NEGR1: variants seen among roughly 807,000 people sequenced by gnomAD.
The protein encoded by NEGR1 is neuronal growth regulator 1.
NEGR1 carries 10 observed loss-of-function variants against 40.9 expected under a neutral mutation model. The observed-to-expected ratio is 0.24, with a 90% confidence interval of 0.15 to 0.42. The LOEUF (loss-of-function observed/expected upper bound fraction) is 0.42, where lower values mean the gene tolerates loss of function less well. Ranked by LOEUF, NEGR1 falls within the 10% of genes least tolerant of loss-of-function variation. The pLI, the probability that NEGR1 is intolerant of heterozygous loss-of-function variation, is 1.00. For synonymous variants in NEGR1, 185 were observed against 166.8 expected (o/e 1.11, Z -0.84); for missense variants, 352 against 438.9 (o/e 0.80, Z 1.77).
chr1:72,072,582 T>A (rs574632329), intron 1 of NEGR1, among the ~76,000 whole-genome samples: 33 of 152,226 alleles, frequency 2.2e-4, no homozygotes, highest in South Asian at 4.1e-4. Flanking sequence ...ATAAAAGCAA[T>A]TATATTTCAA....
intron 1 of NEGR1, among the ~76,000 whole-genome samples, chr1:72,162,944 C>T (rs1314037824): frequency 1.3e-5 from 2 of 151,978 alleles, no homozygotes; most frequent in South Asian, 2.1e-4. Context: ...GATACAGTTT[C>T]GTTATAAGGT....
intron 3 of NEGR1, among the ~76,000 whole-genome samples, chr1:71,771,722 AGG>A (rs1656333876): frequency 6.7e-6 from 1 of 148,272 alleles, no homozygotes; most frequent in South Asian, 2.1e-4. Context: ...AAAAAAAAAA[AGG>A]TGTGAATCCA....
intron 2 of NEGR1, among the ~76,000 whole-genome samples, chr1:71,846,336 G>C (rs1659408269): frequency 6.6e-6 from 1 of 151,828 alleles, no homozygotes; most frequent in African/African-American, 2.4e-5. Flanking sequence ...CTACTTGTAT[G>C]ATTTATCTCC....
intron 6 of NEGR1, among the ~76,000 whole-genome samples, chr1:71,472,871 C>T (rs549239514): frequency 8.4e-4 from 128 of 151,568 alleles, no homozygotes; most frequent in African/African-American, 1.8e-3. Flanking sequence ...TTATATAAAA[C>T]GTAAATATAC....
intron 3 of NEGR1, among the ~76,000 whole-genome samples, chr1:71,708,110 C>T (rs1416353451): frequency 3.3e-5 from 5 of 151,852 alleles, no homozygotes; most frequent in Admixed American, 3.3e-4. Context: ...TGAAGAACAT[C>T]TACTAGAATC....
chr1:72,106,833 C>G (rs1228614744), intron 1 of NEGR1, among the ~76,000 whole-genome samples: 1 of 151,774 alleles, frequency 6.6e-6, no homozygotes, highest in Non-Finnish European at 1.5e-5. Context: ...TCAGTGTTCC[C>G]TCTATATCAA....
intron 6 of NEGR1, among the ~76,000 whole-genome samples, chr1:71,568,836 G>A (rs759678661): frequency 0.23 from 33,573 of 145,990 alleles, 5,525 homozygotes; most frequent in African/African-American, 0.48. Flanking sequence ...ATACGTGTGT[G>A]TGTGTGTGTG....
At chr1:71,474,519 C>CAT (rs1646806027) in intron 6 of NEGR1, among the ~76,000 whole-genome samples, 1 of 52,668 alleles carries the variant, frequency 1.9e-5, no homozygotes, top group African/African-American at 5.9e-5. Context: ...ACTAACAATA[C>CAT]ACACACACAC....
chr1:71,890,132 A>G (rs987605954), intron 2 of NEGR1, among the ~76,000 whole-genome samples: 16 of 137,630 alleles, frequency 1.2e-4, no homozygotes, highest in African/African-American at 4.2e-4. Flanking sequence ...TGTAAAGACC[A>G]TCCAGACTAG....
rs547303822 is a variant in NEGR1 at position 71,840,153 on chromosome 1, G to C, written c.410-63856C>G. Among the ~76,000 whole-genome samples the C allele has an allele frequency of 2.6e-5, 4 of 152,198 alleles. No individual in the cohort carries two copies. In the South Asian group the frequency reaches 8.3e-4, roughly 32 times the overall value. ...AGGACTATAGAAGTGGGATCAGTTT[G>C]AGTTTCCCTATCATACCTGATTTAA... On this transcript the variant is annotated intron_variant, in intron 2 of 6. Coordinates refer to ENST00000357731, the MANE Select transcript of NEGR1 (RefSeq NM_173808.3).
intron 4 of NEGR1, among the ~76,000 whole-genome samples, chr1:71,644,411 CATA>C (rs954133843): frequency 6.6e-6 from 1 of 151,790 alleles, no homozygotes; most frequent in African/African-American, 2.4e-5. Flanking sequence ...CTCTTTTTTC[CATA>C]ATGTTTATTG....
intron 1 of NEGR1, among the ~76,000 whole-genome samples, chr1:72,012,934 T>C (rs1346382939): frequency 6.6e-6 from 1 of 150,472 alleles, no homozygotes; most frequent in Non-Finnish European, 1.5e-5. Context: ...ACTTTCCCTT[T>C]AGCTTCTGAA....
At chr1:72,259,236 C>T (rs114737678) in intron 1 of NEGR1, among the ~76,000 whole-genome samples, 2,205 of 152,178 alleles carry the variant, frequency 0.014, 57 homozygotes, top group African/African-American at 0.051. Flanking sequence ...TAGATTGTAA[C>T]TCAATTCAAT....
intron 3 of NEGR1, among the ~76,000 whole-genome samples, chr1:71,751,091 T>C (rs1017547144): frequency 6.6e-6 from 1 of 152,142 alleles, no homozygotes; most frequent in East Asian, 1.9e-4. Context: ...TTTGTTTTTT[T>C]TTTGTTCTTT....
chr1:72,063,895 T>A (rs1208717647), intron 1 of NEGR1, among the ~76,000 whole-genome samples: 1 of 151,898 alleles, frequency 6.6e-6, no homozygotes, highest in Non-Finnish European at 1.5e-5. Context: ...CTGTAAGATG[T>A]AGTCGGCCAA....
intron 1 of NEGR1, among the ~76,000 whole-genome samples, chr1:71,998,512 C>A (rs531609408): frequency 6.6e-6 from 1 of 151,824 alleles, no homozygotes; most frequent in Non-Finnish European, 1.5e-5. Flanking sequence ...TACACTAAGG[C>A]CAAATAAAAG....
intron 1 of NEGR1, among the ~76,000 whole-genome samples, chr1:72,257,321 CA>C (rs34220734): frequency 0.21 from 11,754 of 56,982 alleles, 192 homozygotes; most frequent in African/African-American, 0.27. Context: ...GACTCTGTCT[CA>C]AAAAAAAAAA....
chr1:71,928,365 CATATGTAT>C (rs1360810516), intron 2 of NEGR1, among the ~76,000 whole-genome samples: 2 of 74,998 alleles, frequency 2.7e-5, no homozygotes, highest in Admixed American at 1.9e-4. Flanking sequence ...TATATATACA[CATATGTAT>C]ATATGTATAT....
chr1:71,613,468 G>C (rs1159318541), intron 4 of NEGR1, among the ~76,000 whole-genome samples: 1 of 151,882 alleles, frequency 6.6e-6, no homozygotes, highest in Admixed American at 6.6e-5. Flanking sequence ...CCAACGTGGT[G>C]AAACCCCGTC....
Sources: gnomAD v4.1 joint callset for allele counts (sites outside exome capture counted in the v4.1 genomes callset) on GRCh38, gnomAD v4.1.1 for gene constraint, MANE v1.5 for transcripts, NCBI Gene and HGNC (gene_info 2026-07-23, HGNC 2026-07-21) for gene names.